The following ATG10 variants were observed in gnomAD, a reference collection of about 807,000 sequenced individuals.
ATG10 encodes the protein ubiquitin-like-conjugating enzyme ATG10.
Under a neutral mutation model 32.1 loss-of-function variants are expected in ATG10, and 30 were observed. The observed-to-expected ratio is 0.94, with a 90% CI of 0.70 to 1.27. ATG10 has a LOEUF of 1.27. Ranked by LOEUF, ATG10 falls within the 50% of genes most tolerant of loss-of-function variation. The pLI is 0.00. For synonymous variants in ATG10, 87 were observed against 91.5 expected (o/e 0.95, Z 0.28); for missense variants, 233 against 262.3 (o/e 0.89, Z 0.77).
intron 3 of ATG10, among the ~76,000 whole-genome samples, chr5:82,153,967 G>A (rs1365953312): frequency 1.3e-5 from 2 of 148,900 alleles, no homozygotes; most frequent in African/African-American, 5.0e-5. Flanking sequence ...CCAGGCTGGA[G>A]TGCAGTGTGC....
At chr5:82,095,106 A>T (rs1427426535) in intron 3 of ATG10, among the ~76,000 whole-genome samples, 4 of 152,154 alleles carry the variant, frequency 2.6e-5, no homozygotes, top group Admixed American at 2.6e-4. Flanking sequence ...TACATTTTTA[A>T]AATGAAGATA....
chr5:82,171,183 G>T (rs544597947), intron 4 of ATG10, among the ~76,000 whole-genome samples: 313 of 152,224 alleles, frequency 2.1e-3, no homozygotes, highest in Non-Finnish European at 2.8e-3. Flanking sequence ...AAATGGAAGG[G>T]TATAACATCA....
At chr5:81,979,211 T>C (rs1166376215) in intron 1 of ATG10, among the ~76,000 whole-genome samples, 1 of 152,046 alleles carries the variant, frequency 6.6e-6, no homozygotes, top group Non-Finnish European at 1.5e-5. Flanking sequence ...GAATTTTTCT[T>C]TTATTCATTT....
chr5:81,979,013 C>G (rs543091977), intron 1 of ATG10, among the ~76,000 whole-genome samples: 3 of 152,014 alleles, frequency 2.0e-5, no homozygotes, highest in Non-Finnish European at 4.4e-5. Context: ...GATTCTCCTG[C>G]CTCAGCCTCT....
chr5:82,098,011 G>A (rs927980558), intron 3 of ATG10, among the ~76,000 whole-genome samples: 1 of 152,194 alleles, frequency 6.6e-6, no homozygotes, highest in Non-Finnish European at 1.5e-5. Context: ...CGTTGAGTCT[G>A]TATTCTGCTG....
intron 2 of ATG10, among the ~76,000 whole-genome samples, chr5:82,022,038 A>T (rs1393416466): frequency 6.8e-6 from 1 of 147,640 alleles, no homozygotes; most frequent in East Asian, 2.1e-4. Context: ...AAAAAAAAAA[A>T]ATTAGCTGGG....
chr5:82,006,001 T>C (rs1226245739), intron 2 of ATG10, among the ~76,000 whole-genome samples: 1 of 144,898 alleles, frequency 6.9e-6, no homozygotes, highest in Non-Finnish European at 1.6e-5. Flanking sequence ...CATTACAGTT[T>C]AGGAACCGCT....
chr5:82,091,190 C>T, intron 3 of ATG10, among the ~76,000 whole-genome samples: 1 of 152,040 alleles, frequency 6.6e-6, no homozygotes, highest in East Asian at 1.9e-4. Flanking sequence ...TTCTTGGGAC[C>T]CCATCTAGGA....
intron 3 of ATG10, chr5:82,148,026 G>A (rs1055072245): frequency 6.6e-6 from 1 of 152,286 alleles, no homozygotes; most frequent in African/African-American, 2.4e-5. Flanking sequence ...AAGGCACTCA[G>A]TCTTCTACAT....
chr5:82,136,345 T>G (rs1766747998), intron 3 of ATG10, among the ~76,000 whole-genome samples: 1 of 152,164 alleles, frequency 6.6e-6, no homozygotes, highest in Non-Finnish European at 1.5e-5. Context: ...ATTTGATATG[T>G]TTTTGCAGTG....
intron 2 of ATG10, among the ~76,000 whole-genome samples, chr5:81,988,695 A>G (rs1381464899): frequency 1.3e-5 from 2 of 152,062 alleles, no homozygotes; most frequent in Non-Finnish European, 2.9e-5. Flanking sequence ...CCACCTCCCA[A>G]AGTGCTGGGA....
chr5:82,218,084 C>CACACAT (rs1250489611), intron 5 of ATG10, among the ~76,000 whole-genome samples: 1 of 151,550 alleles, frequency 6.6e-6, no homozygotes, highest in African/African-American at 2.4e-5. Context: ...CACACACACA[C>CACACAT]ACATCACACG....
chr5:81,987,875 TCAGGCTAA>T (rs376209036), intron 2 of ATG10, among the ~76,000 whole-genome samples, 197 bp downstream of exon 2: 11,243 of 152,306 alleles, frequency 0.074, 510 homozygotes, highest in Non-Finnish European at 0.11. Flanking sequence ...TTGATTATTA[TCAGGCTAA>T]TGAAGTATTA....
chr5:82,164,592 A>C, intron 4 of ATG10, 55 bp downstream of exon 4: 2 of 1,488,050 alleles, frequency 1.3e-6, no homozygotes, highest in Non-Finnish European at 1.8e-6. Flanking sequence ...TATAAAGCAA[A>C]AAGCATATTT....
intron 1 of ATG10, among the ~76,000 whole-genome samples, chr5:81,986,669 T>C (rs1187325474): frequency 6.6e-6 from 1 of 152,076 alleles, no homozygotes; most frequent in Non-Finnish European, 1.5e-5. Context: ...CCTTGCAGTT[T>C]ATATGATTTT....
At chr5:81,974,271 G>T (rs150478691) in intron 1 of ATG10, among the ~76,000 whole-genome samples, 40 of 152,306 alleles carry the variant, frequency 2.6e-4, no homozygotes, top group African/African-American at 9.4e-4. Flanking sequence ...GTTTTCAGGG[G>T]ACAAGCAGCC....
intron 3 of ATG10, among the ~76,000 whole-genome samples, chr5:82,097,796 G>A (rs957356670): frequency 3.9e-5 from 6 of 152,110 alleles, no homozygotes; most frequent in Admixed American, 6.5e-5. Flanking sequence ...GTCATTTACC[G>A]TACCCCAAAA....
At chr5:82,067,783 T>C (rs1156719274) in intron 3 of ATG10, among the ~76,000 whole-genome samples, 1 of 152,190 alleles carries the variant, frequency 6.6e-6, no homozygotes, top group African/African-American at 2.4e-5. Context: ...TGTATTAAGC[T>C]AGTAGAAAAG....
chr5:82,090,393 C>T (rs1764843170), intron 3 of ATG10, among the ~76,000 whole-genome samples: 1 of 152,168 alleles, frequency 6.6e-6, no homozygotes, highest in Admixed American at 6.5e-5. Context: ...GTTAAACAAA[C>T]TGTGGCACAT....
Sources: gnomAD v4.1 joint callset for allele counts (sites outside exome capture counted in the v4.1 genomes callset) on GRCh38, gnomAD v4.1.1 for gene constraint, MANE v1.5 for transcripts, NCBI Gene and HGNC (gene_info 2026-07-23, HGNC 2026-07-21) for gene names.